UNC80: variants seen among roughly 807,000 people sequenced by gnomAD.
UNC80 encodes the protein unc-80 subunit of NALCN channel complex.
Under a neutral mutation model 384.6 loss-of-function variants are expected in UNC80, and 164 were observed. The ratio of observed to expected loss-of-function variants is 0.43; its 90% CI spans 0.38 to 0.49. The LOEUF (loss-of-function observed/expected upper bound fraction) is 0.49. UNC80 is among the 20% of genes least tolerant of loss of function. The probability of loss-of-function intolerance (pLI) is 0.00; values close to 1 mark genes in which losing one functional copy is unlikely to be tolerated. For missense variants in UNC80, 3,330 were observed against 4,143.0 expected, an observed-to-expected ratio of 0.80 and a Z score of 5.39; for synonymous variants, 1,486 against 1,527.8, an observed-to-expected ratio of 0.97 and a Z score of 0.64.
intron 64 of UNC80, among the ~76,000 whole-genome samples, 166 bp from the exon 65 acceptor site, chr2:209,995,163 T>C (rs2093463051): frequency 6.6e-6 from 1 of 152,238 alleles, no homozygotes; most frequent in Non-Finnish European, 1.5e-5. Flanking sequence ...AACTGAGGGT[T>C]AGAAAGTTGG....
chr2:209,939,925 C>T (rs765494045), intron 43 of UNC80, among the ~76,000 whole-genome samples: 13 of 152,232 alleles, frequency 8.5e-5, no homozygotes, highest in Admixed American at 5.9e-4. Context: ...CTTCTCAGAC[C>T]TGAGTGTGCA....
At chr2:209,985,305 C>A (rs1244399744) in intron 61 of UNC80, among the ~76,000 whole-genome samples, 2 of 152,078 alleles carry the variant, frequency 1.3e-5, no homozygotes, top group African/African-American at 4.8e-5. Context: ...CATCAAGAAG[C>A]CCCTTATTAA....
intron 6 of UNC80, among the ~76,000 whole-genome samples, chr2:209,791,710 C>G (rs2077810985): frequency 6.7e-6 from 1 of 148,618 alleles, no homozygotes; most frequent in South Asian, 2.1e-4. Context: ...GTCCCAGCTA[C>G]TCAGGAGGCT....
In UNC80 at chr2:209,967,620, T is replaced by C. The variant is rs532288458; in HGVS notation, c.7989T>C (p.His2663=). The C allele has an allele frequency of 1.1e-5, 17 of 1,551,636 alleles. No homozygotes were observed. In the African/African-American group the frequency reaches 1.2e-4, roughly 11 times the overall value. ...KRLDRMFNKI[H]KMPTLRRQVE... ...TGGATAGAATGTTCAACAAAATTCA[T>C]AAGATGCCTACTTTGAGGTGAGAAT... The change falls in exon 52 of 65, where the codon CAT becomes CAC. Residue 2663 remains histidine (H), a synonymous_variant. Coordinates refer to ENST00000673920, the MANE Select transcript of UNC80 (RefSeq NM_001371986.1).
chr2:209,861,618 C>T (rs2124862397), intron 22 of UNC80, among the ~76,000 whole-genome samples: 1 of 152,252 alleles, frequency 6.6e-6, no homozygotes, highest in African/African-American at 2.4e-5. Flanking sequence ...GGTACCAGCT[C>T]CTCTTTATAT....
intron 60 of UNC80, among the ~76,000 whole-genome samples, chr2:209,984,283 C>A (rs899737792): frequency 2.0e-5 from 3 of 152,130 alleles, no homozygotes; most frequent in African/African-American, 7.2e-5. Context: ...TCTAAGATAT[C>A]TTCCTTCCGT....
chr2:209,809,304 C>T, intron 7 of UNC80: 1 of 760,026 alleles, frequency 1.3e-6, no homozygotes, highest in South Asian at 1.4e-5. Context: ...AGAAACACAT[C>T]CGAAGCCACA....
chr2:209,829,526 T>A (rs1047292747), intron 15 of UNC80, 147 bp downstream of exon 15: 2 of 827,426 alleles, frequency 2.4e-6, no homozygotes, highest in Admixed American at 5.6e-5. Context: ...GTGTATAGAG[T>A]ATAAACAAGA....
intron 14 of UNC80, among the ~76,000 whole-genome samples, chr2:209,828,524 A>C (rs1030894169): frequency 6.6e-6 from 1 of 151,896 alleles, no homozygotes; most frequent in African/African-American, 2.4e-5. Flanking sequence ...TCTCTCTCAA[A>C]ATTTCCAAGA....
At chr2:209,955,906 G>A (rs890628212) in intron 48 of UNC80, among the ~76,000 whole-genome samples, 3 of 150,920 alleles carry the variant, frequency 2.0e-5, no homozygotes, top group Non-Finnish European at 4.4e-5. Context: ...ACCAGGCCCC[G>A]ATAATTTTTG....
chr2:209,860,845 T>G (rs1356397985), intron 22 of UNC80, among the ~76,000 whole-genome samples: 2 of 152,236 alleles, frequency 1.3e-5, no homozygotes, highest in Non-Finnish European at 2.9e-5. Context: ...TTTGGCTCTC[T>G]GCTTGTCTAT....
chr2:209,786,784 A>G lies in UNC80; in HGVS notation c.724+595A>G, dbSNP rs182994446. ...ACTATGTATATAACCTAACTTTCCT[A>G]AGCATTTCCATTTATGTAAAATTGA... On this transcript the variant is annotated intron_variant, in intron 5 of 64. Coordinates refer to ENST00000673920, the MANE Select transcript of UNC80 (RefSeq NM_001371986.1). Among the ~76,000 whole-genome samples the G allele has an allele frequency of 1.4e-3, 213 of 152,006 alleles. 2 individuals are homozygous for G. The highest frequency in any genetic ancestry group is 4.6e-3 in the Admixed American group (70 of 15,262).
chr2:209,860,417 GT>G (rs2083265285), intron 22 of UNC80, among the ~76,000 whole-genome samples: 1 of 152,190 alleles, frequency 6.6e-6, no homozygotes, highest in Non-Finnish European at 1.5e-5. Flanking sequence ...GTACCATGCT[GT>G]TTTGGTTATT....
In UNC80 at chr2:209,793,796, G is replaced by A. The variant is rs765134450; in HGVS notation, c.875G>A (p.Gly292Glu). 6.2e-7 allele frequency: 1 copy of A among 1,614,110 alleles called. No homozygotes were observed. The highest frequency in any genetic ancestry group is 8.5e-7 in the Non-Finnish European group (1 of 1,179,972). Residue 292 changes from glycine (G) to glutamate (E), a missense_variant, in exon 7 of 65, where the codon GGA becomes GAA. Physicochemically the swap from Gly to Glu is moderately conservative, Grantham distance 98 (BLOSUM62 -2). Transcript: ENST00000673920. ...GCCACCATTTCAGGCTGTCACCGAG[G>A]AAACTCCTTTGATGGAAGTCTGTCC... is the stretch of plus-strand genomic sequence containing the variant. Reference protein sequence around the residue: ...PKATISGCHRGNSFDGSLSSQ... With the variant: ...PKATISGCHRENSFDGSLSSQ...
chr2:209,934,073 AAG>A (rs1487856522), intron 39 of UNC80, 68 bp downstream of exon 39: 1 of 1,375,214 alleles, frequency 7.3e-7, no homozygotes, highest in African/African-American at 1.5e-5. Context: ...TTGAAAGACT[AAG>A]AGTCTCTTTC....
chr2:209,994,322 C>T, intron 64 of UNC80, 58 bp downstream of exon 64: 2 of 1,432,804 alleles, frequency 1.4e-6, no homozygotes, highest in Non-Finnish European at 1.9e-6. Flanking sequence ...TTCTAGCAGC[C>T]ACTTGGATAT....
intron 12 of UNC80, 35 bp from the exon 13 acceptor site, chr2:209,820,276 A>G: frequency 6.7e-7 from 1 of 1,489,268 alleles, no homozygotes; most frequent in Non-Finnish European, 8.9e-7. Flanking sequence ...AGTGCAGGTA[A>G]CTTAATCATG....
At chr2:209,848,857 C>A (rs1270217382) in intron 21 of UNC80, among the ~76,000 whole-genome samples, 1 of 152,022 alleles carries the variant, frequency 6.6e-6, no homozygotes, top group Non-Finnish European at 1.5e-5. Context: ...ATGGTAAACC[C>A]AGGCCCATAA....
At chr2:209,813,903 T>G in intron 8 of UNC80, 62 bp downstream of exon 8, 2 of 1,519,786 alleles carry the variant, frequency 1.3e-6, no homozygotes, top group Non-Finnish European at 1.8e-6. Context: ...GATTCTTTTT[T>G]TCTCTGTGCA....
Sources: allele counts gnomAD v4.1 joint callset (sites outside exome capture counted in the v4.1 genomes callset), GRCh38; gene constraint gnomAD v4.1.1; transcripts MANE v1.5; gene names NCBI Gene and HGNC (gene_info 2026-07-23, HGNC 2026-07-21).